Variants in RABGAP1L observed in about 807,000 individuals in gnomAD.
RABGAP1L encodes the protein RAB GTPase activating protein 1 like, also known as rab GTPase-activating protein 1-like.
RABGAP1L carries 63 observed loss-of-function variants against 137.7 expected under a neutral mutation model. The ratio of observed to expected loss-of-function variants is 0.46; its 90% CI spans 0.37 to 0.56. The LOEUF is 0.56. Among genes scored for constraint, RABGAP1L ranks in the 20% least tolerant of loss-of-function variants. The pLI is 0.00. For synonymous variants in RABGAP1L, 431 were observed against 433.7 expected (o/e 0.99, Z 0.08); for missense variants, 1,095 against 1,244.0 (o/e 0.88, Z 1.80).
chr1:174,348,307 T>TGAA (rs567559509), intron 11 of RABGAP1L, among the ~76,000 whole-genome samples: 8,477 of 146,678 alleles, frequency 0.058, 802 homozygotes, highest in African/African-American at 0.2. Context: ...TTTTTGCCAT[T>TGAA]ACTTTCAATA....
chr1:174,690,539 A>T (rs1486586106), intron 15 of RABGAP1L, among the ~76,000 whole-genome samples: 1 of 152,146 alleles, frequency 6.6e-6, no homozygotes, highest in African/African-American at 2.4e-5. Context: ...GTTATTTTTT[A>T]AATTAATAAT....
chr1:174,290,123 A>G (rs1407275492), intron 10 of RABGAP1L, among the ~76,000 whole-genome samples: 3 of 152,134 alleles, frequency 2.0e-5, no homozygotes, highest in Non-Finnish European at 4.4e-5. Flanking sequence ...GACACCCAGT[A>G]CTGCCAACCA....
At chr1:174,715,510 A>G (rs1333312422) in intron 17 of RABGAP1L, among the ~76,000 whole-genome samples, 2 of 152,250 alleles carry the variant, frequency 1.3e-5, no homozygotes, top group Non-Finnish European at 2.9e-5. Context: ...TTTCTGGGCC[A>G]CACACTGTAC....
chr1:174,273,399 G>A (rs1325669687), intron 8 of RABGAP1L, among the ~76,000 whole-genome samples: 1 of 151,986 alleles, frequency 6.6e-6, no homozygotes. Context: ...GTGGGTTCAT[G>A]GTCTTGTGGG....
At chr1:174,431,912 A>AT (rs995307095) in intron 13 of RABGAP1L, among the ~76,000 whole-genome samples, 4 of 151,782 alleles carry the variant, frequency 2.6e-5, no homozygotes, top group East Asian at 1.9e-4. Flanking sequence ...GAGTAAAACA[A>AT]TTTTTTTTTA....
chr1:174,680,870 G>A (rs1678013099), intron 14 of RABGAP1L, among the ~76,000 whole-genome samples: 1 of 152,020 alleles, frequency 6.6e-6, no homozygotes, highest in Non-Finnish European at 1.5e-5. Context: ...CTGGGTGTCA[G>A]AGCCAGACCC....
intron 19 of RABGAP1L, among the ~76,000 whole-genome samples, chr1:174,825,965 T>C (rs1691525714): frequency 6.6e-6 from 1 of 152,162 alleles, no homozygotes; most frequent in South Asian, 2.1e-4. Context: ...TGCGAGATGC[T>C]GAGGCTTGGA....
At chr1:174,931,990 G>GTTTTTTTTTTTTTTTT (rs532860564) in intron 19 of RABGAP1L, among the ~76,000 whole-genome samples, 2 of 69,650 alleles carry the variant, frequency 2.9e-5, no homozygotes, top group African/African-American at 5.3e-5. Flanking sequence ...TGCTTTTTTG[G>GTTTTTTTTTTTTTTTT]TTTTTTTTTT....
intron 13 of RABGAP1L, among the ~76,000 whole-genome samples, chr1:174,528,285 C>T (rs1210147870): frequency 2.6e-5 from 4 of 151,848 alleles, no homozygotes; most frequent in African/African-American, 9.7e-5. Flanking sequence ...CTTTCTCCTC[C>T]TCATTTGTGC....
At chr1:174,984,057 CAAAAAAAA>C (rs1163719976) in intron 24 of RABGAP1L, among the ~76,000 whole-genome samples, 3 of 115,070 alleles carry the variant, frequency 2.6e-5, no homozygotes, top group African/African-American at 1.0e-4. Flanking sequence ...TTTCTTCTAA[CAAAAAAAA>C]AAAAAAAAAA....
At chr1:174,176,106 G>T (rs758717789) in intron 1 of RABGAP1L, among the ~76,000 whole-genome samples, 1 of 152,050 alleles carries the variant, frequency 6.6e-6, no homozygotes, top group Non-Finnish European at 1.5e-5. Context: ...CCAAAGAAAA[G>T]CTGGCCTCAT....
intron 10 of RABGAP1L, among the ~76,000 whole-genome samples, chr1:174,298,191 C>T (rs1156768255): frequency 6.6e-6 from 1 of 152,194 alleles, no homozygotes; most frequent in Non-Finnish European, 1.5e-5. Flanking sequence ...AGCAGATACC[C>T]AGGGTACCTG....
At chr1:174,796,622 C>T (rs1688257920) in intron 18 of RABGAP1L, among the ~76,000 whole-genome samples, 1 of 152,152 alleles carries the variant, frequency 6.6e-6, no homozygotes, top group South Asian at 2.1e-4. Context: ...GATGGGGAAA[C>T]TGAAGTACAT....
Position 174,562,032 on chromosome 1 carries a change from G to T in RABGAP1L, c.1711-75343G>T, listed in dbSNP as rs572713047. 6.6e-5 allele frequency among the ~76,000 whole-genome samples: 10 copies of T among 152,290 alleles called. No homozygotes were observed. In the South Asian group the frequency reaches 2.1e-3, roughly 32 times the overall value. ...GATCTAATTAAACTAAAGAGCTTCTGCACAGAAAGAGACAGTATCATCAGA... is the reference window on the plus strand; with the variant it reads ...GATCTAATTAAACTAAAGAGCTTCTTCACAGAAAGAGACAGTATCATCAGA... On this transcript the variant is annotated intron_variant, in intron 13 of 25. Transcript: ENST00000681986.
chr1:174,893,470 T>C (rs1041267783), intron 19 of RABGAP1L, among the ~76,000 whole-genome samples: 5 of 152,220 alleles, frequency 3.3e-5, no homozygotes, highest in Non-Finnish European at 7.3e-5. Context: ...ATTCTTGTGA[T>C]TCCTCCTAGG....
At chr1:174,159,806 C>T (rs1407069633) in intron 1 of RABGAP1L, 149 bp downstream of exon 1, 1 of 152,378 alleles carries the variant, frequency 6.6e-6, no homozygotes, top group African/African-American at 2.4e-5. Flanking sequence ...GGGAGGACCG[C>T]GGTAAGGAGG....
At chr1:174,636,586 G>A (rs1454521297) in intron 13 of RABGAP1L, among the ~76,000 whole-genome samples, 1 of 151,642 alleles carries the variant, frequency 6.6e-6, no homozygotes, top group Non-Finnish European at 1.5e-5. Context: ...CTGTTTTGTG[G>A]AATCAGTTTG....
At chr1:174,474,632 C>G (rs1658300746) in intron 13 of RABGAP1L, among the ~76,000 whole-genome samples, 1 of 152,102 alleles carries the variant, frequency 6.6e-6, no homozygotes, top group Admixed American at 6.6e-5. Context: ...GAGATGGAGT[C>G]TTGCTCTGTC....
chr1:174,774,111 G>T (rs1686334279), intron 18 of RABGAP1L, among the ~76,000 whole-genome samples: 1 of 152,052 alleles, frequency 6.6e-6, no homozygotes, highest in South Asian at 2.1e-4. Flanking sequence ...TTAATATATT[G>T]TTTATGCAGG....
Sources: gnomAD v4.1 joint callset for allele counts (sites outside exome capture counted in the v4.1 genomes callset) on GRCh38, gnomAD v4.1.1 for gene constraint, MANE v1.5 for transcripts, NCBI Gene and HGNC (gene_info 2026-07-23, HGNC 2026-07-21) for gene names.